Variants in ARHGEF38 observed in about 807,000 individuals in gnomAD.
ARHGEF38 encodes Rho guanine nucleotide exchange factor (GEF) 38.
In ARHGEF38, 79 loss-of-function variants were observed where a neutral mutation model predicts 79.9. The observed-to-expected ratio is 0.99, with a 90% CI of 0.82 to 1.19. The LOEUF (loss-of-function observed/expected upper bound fraction) is 1.19. Ranked by LOEUF, ARHGEF38 falls within the 50% of genes most tolerant of loss-of-function variation. The pLI is 0.00. For missense variants in ARHGEF38, 962 were observed against 907.2 expected (o/e 1.06, Z -0.78); for synonymous variants, 366 against 328.3 (o/e 1.11, Z -1.24).
At position 105,565,941 on chromosome 4, in the gene ARHGEF38, G is replaced by A. The variant is rs141184835; in HGVS notation, c.196+12980G>A. On this transcript the variant is annotated intron_variant, in intron 1 of 13. Coordinates refer to ENST00000420470, the MANE Select transcript of ARHGEF38 (RefSeq NM_001242729.2). ...TCTGCTCTGTTCTTTCTATCTTCTT[G>A]GCAATTAGACTAAGCTTAACTCCCT... Among the ~76,000 whole-genome samples the A allele has an allele frequency of 1.2e-3, 177 of 152,068 alleles. 1 individual carries two copies. The highest frequency in any genetic ancestry group is 3.1e-3 in the South Asian group (15 of 4,810).
intron 5 of ARHGEF38, among the ~76,000 whole-genome samples, chr4:105,643,674 T>C (rs1358796388): frequency 6.6e-6 from 1 of 152,114 alleles, no homozygotes; most frequent in Non-Finnish European, 1.5e-5. Context: ...GGGAAACTGA[T>C]CATAAACTGG....
At chr4:105,630,249 C>CTTT (rs5860803) in intron 3 of ARHGEF38, among the ~76,000 whole-genome samples, 51 of 139,972 alleles carry the variant, frequency 3.6e-4, no homozygotes, top group Middle Eastern at 7.6e-3. Flanking sequence ...AACTGCAACT[C>CTTT]TTTTTTTTTT....
intron 2 of ARHGEF38, among the ~76,000 whole-genome samples, chr4:105,605,802 T>C (rs1728012036): frequency 6.6e-6 from 1 of 152,064 alleles, no homozygotes; most frequent in Non-Finnish European, 1.5e-5. Flanking sequence ...TCTGCCAACA[T>C]CCTTTTTTTC....
chr4:105,578,829 T>C (rs1726637575), intron 1 of ARHGEF38, among the ~76,000 whole-genome samples: 1 of 152,198 alleles, frequency 6.6e-6, no homozygotes, highest in Non-Finnish European at 1.5e-5. Context: ...AGACAGTTGA[T>C]ATTTGGTTTG....
intron 2 of ARHGEF38, among the ~76,000 whole-genome samples, chr4:105,600,520 G>A (rs1727775722): frequency 6.6e-6 from 1 of 152,174 alleles, no homozygotes; most frequent in Non-Finnish European, 1.5e-5. Context: ...GGCTCCGCCT[G>A]TGGTCCTCTT....
intron 1 of ARHGEF38, among the ~76,000 whole-genome samples, chr4:105,559,050 G>GAA (rs397820180): frequency 9.2e-4 from 136 of 147,380 alleles, no homozygotes; most frequent in South Asian, 2.4e-3. Flanking sequence ...CACAGGAAAA[G>GAA]AAAAAAAAAA....
rs367825003 is a variant in ARHGEF38 at position 105,647,124 on chromosome 4, C to T, written c.875-1425C>T. The stretch of plus-strand genomic sequence containing the variant: ...ACAAGGTTTTAGATAATGGCTGTTA[C>T]ATTATTCTTTATATTTTTCTGTTTG... On this transcript the variant is annotated intron_variant, in intron 6 of 13. Coordinates refer to ENST00000420470, the MANE Select transcript of ARHGEF38 (RefSeq NM_001242729.2). Among the ~76,000 whole-genome samples the T allele has an allele frequency of 3.3e-5, 5 of 152,224 alleles. No individual in the cohort carries two copies. The East Asian group carries it at 7.7e-4, about 23-fold the overall frequency.
In ARHGEF38 at chr4:105,679,156, C is replaced by A; in HGVS notation, c.*1219C>A. On this transcript the variant is annotated 3_prime_UTR_variant, in exon 14 of 14. Coordinates refer to ENST00000420470, the MANE Select transcript of ARHGEF38 (RefSeq NM_001242729.2). ...TGAGCAACTGCTTTGTCGACTCTCT[C>A]TACCTGACCAATTGCCAGATCGACA... 1.6e-6 allele frequency: 1 copy of A among 622,108 alleles called. No individual in the cohort carries two copies. The allele number at this position is 622,108 out of a possible 1,614,324, so 38.5% of individuals were successfully genotyped here. A position where few individuals can be genotyped will look rare whatever the true frequency, so the allele number is the denominator to read the frequency against.
chr4:105,571,718 G>A (rs1422227282), intron 1 of ARHGEF38, among the ~76,000 whole-genome samples: 2 of 152,172 alleles, frequency 1.3e-5, no homozygotes, highest in African/African-American at 4.8e-5. Flanking sequence ...GAGAAGGAGT[G>A]CATGACTGTT....
intron 13 of ARHGEF38, among the ~76,000 whole-genome samples, chr4:105,668,154 A>G (rs547637251): frequency 6.6e-6 from 1 of 152,040 alleles, no homozygotes; most frequent in African/African-American, 2.4e-5. Flanking sequence ...CATGTATAAT[A>G]CCACACACTA....
intron 2 of ARHGEF38, among the ~76,000 whole-genome samples, chr4:105,597,186 T>C (rs139652803): frequency 6.8e-4 from 104 of 152,280 alleles, no homozygotes; most frequent in African/African-American, 2.4e-3. Flanking sequence ...AAATATTTTA[T>C]CTAGTAATTA....
chr4:105,672,327 T>C (rs1456361842), intron 13 of ARHGEF38, among the ~76,000 whole-genome samples: 2 of 152,220 alleles, frequency 1.3e-5, no homozygotes, highest in Admixed American at 6.5e-5. Flanking sequence ...ATCCATTCTC[T>C]ACCTCAAGTA....
intron 1 of ARHGEF38, among the ~76,000 whole-genome samples, chr4:105,557,223 A>G (rs1238978825): frequency 1.3e-5 from 2 of 152,126 alleles, no homozygotes; most frequent in African/African-American, 2.4e-5. Flanking sequence ...ATGTGTATAT[A>G]TATGTGTGTA....
At chr4:105,563,790 C>A (rs907796363) in intron 1 of ARHGEF38, among the ~76,000 whole-genome samples, 6 of 152,186 alleles carry the variant, frequency 3.9e-5, no homozygotes, top group African/African-American at 9.7e-5. Flanking sequence ...CATTCATCGG[C>A]AATCTTGAAG....
intron 3 of ARHGEF38, 27 bp downstream of exon 3, chr4:105,613,534 A>G (rs2305212): frequency 0.11 from 180,335 of 1,606,780 alleles, 10,749 homozygotes; most frequent in Middle Eastern, 0.17. Flanking sequence ...CTCGAGTTCT[A>G]CAATACAACA....
At chr4:105,636,463 C>A (rs767224160) in intron 5 of ARHGEF38, 43 bp downstream of exon 5, 3 of 355,956 alleles carry the variant, frequency 8.4e-6, no homozygotes, top group East Asian at 1.1e-4. Flanking sequence ...ATAAAAATCA[C>A]GAGAAAATGC....
intron 1 of ARHGEF38, among the ~76,000 whole-genome samples, chr4:105,567,673 G>T (rs943932664): frequency 1.3e-5 from 2 of 152,032 alleles, no homozygotes; most frequent in Non-Finnish European, 2.9e-5. Flanking sequence ...TATCTTGATG[G>T]TAAGAGCTGT....
rs1230054322 is a variant in ARHGEF38, at chr4:105,677,857, A to G, written c.2254A>G (p.Lys752Glu). 1.3e-6 allele frequency: 2 copies of G among 1,535,540 alleles called. No homozygotes were observed. Among genetic ancestry groups the G allele is most frequent in the Middle Eastern group, 1.7e-4 (1 of 5,986 alleles). Residue 752 changes from lysine to glutamate, a missense_variant, in exon 14 of 14, where the codon AAA becomes GAA. Lys to Glu is a moderately conservative substitution (Grantham distance 56). Coordinates refer to ENST00000420470, the MANE Select transcript of ARHGEF38 (RefSeq NM_001242729.2). ...CAGGTTTTGTGACCTAAGTGGCAAT[A>G]AAGAGTGGTGGTTAGCTGAAGCTCA... ...ILRFCDLSGN[K>E]EWWLAEAQGQ...
chr4:105,655,251 A>C (rs891806185), intron 8 of ARHGEF38, among the ~76,000 whole-genome samples: 12 of 152,218 alleles, frequency 7.9e-5, no homozygotes, highest in African/African-American at 2.9e-4. Flanking sequence ...AGAGCATTAA[A>C]TTTTCTAAGG....
Sources: gnomAD v4.1 joint callset for allele counts (sites outside exome capture counted in the v4.1 genomes callset) on GRCh38, gnomAD v4.1.1 for gene constraint, MANE v1.5 for transcripts, NCBI Gene and HGNC (gene_info 2026-07-23, HGNC 2026-07-21) for gene names.